Variants in COL22A1 observed in about 807,000 individuals in gnomAD.
COL22A1 encodes the protein collagen type XXII alpha 1 chain.
Under a neutral mutation model 248.9 loss-of-function variants are expected in COL22A1, and 221 were observed. That is an observed-to-expected ratio of 0.89 (90% CI 0.80 to 0.99). COL22A1 has a LOEUF of 0.99. Among genes scored for constraint, COL22A1 ranks in the 50% least tolerant of loss-of-function variants. COL22A1 has a pLI of 0.00. For missense variants in COL22A1, 2,240 were observed against 2,179.0 expected (o/e 1.03, Z -0.56); for synonymous variants, 891 against 793.4 (o/e 1.12, Z -2.07).
At chr8:138,741,741 G>A (rs1316204194) in intron 22 of COL22A1, among the ~76,000 whole-genome samples, 1 of 152,230 alleles carries the variant, frequency 6.6e-6, no homozygotes, top group African/African-American at 2.4e-5. Context: ...CCACCTAGCA[G>A]TGCCACAGAG....
intron 13 of COL22A1, 46 bp from the exon 14 acceptor site, chr8:138,779,608 C>G (rs772303115): frequency 3.0e-6 from 4 of 1,325,310 alleles, no homozygotes; most frequent in Non-Finnish European, 4.4e-6. Context: ...GGGACACAGG[C>G]CCAGGTACAC....
intron 5 of COL22A1, chr8:138,827,072 C>A: frequency 2.6e-6 from 1 of 389,716 alleles, no homozygotes; most frequent in South Asian, 2.9e-5. Flanking sequence ...ATGACATCCA[C>A]AGTAAACGCT....
At chr8:138,762,337 C>A in intron 17 of COL22A1, 76 bp downstream of exon 17, 2 of 1,458,682 alleles carry the variant, frequency 1.4e-6, no homozygotes, top group African/African-American at 1.4e-5. Flanking sequence ...CTCTGTGGAG[C>A]TTTATGTGGG....
intron 27 of COL22A1, 78 bp from the exon 28 acceptor site, chr8:138,716,947 C>T (rs1013528577): frequency 6.5e-6 from 7 of 1,080,196 alleles, no homozygotes; most frequent in South Asian, 1.3e-5. Context: ...GTTGTCCTCA[C>T]ACATTCATAG....
chr8:138,721,469 A>G (rs1235932006), intron 26 of COL22A1, among the ~76,000 whole-genome samples: 2 of 152,252 alleles, frequency 1.3e-5, no homozygotes, highest in Non-Finnish European at 2.9e-5. Flanking sequence ...CTCTTACCTT[A>G]ATAATTCTAC....
At chr8:138,606,280 A>G in intron 58 of COL22A1, 101 bp downstream of exon 58, 2 of 1,076,762 alleles carry the variant, frequency 1.9e-6, no homozygotes, top group Non-Finnish European at 1.4e-6. Context: ...TGGCCTGAGC[A>G]GACAGAACTG....
chr8:138,868,270 C>T (rs181916950), intron 3 of COL22A1, among the ~76,000 whole-genome samples: 8 of 152,038 alleles, frequency 5.3e-5, no homozygotes, highest in African/African-American at 7.2e-5. Context: ...TCATACATCC[C>T]GAGTCAGGGG....
intron 22 of COL22A1, among the ~76,000 whole-genome samples, chr8:138,738,510 T>A (rs958039997): frequency 6.6e-6 from 1 of 152,186 alleles, no homozygotes; most frequent in Non-Finnish European, 1.5e-5. Flanking sequence ...TTTTTGAGTG[T>A]CTATTTCACG....
intron 7 of COL22A1, among the ~76,000 whole-genome samples, chr8:138,815,421 C>G (rs1180236682): frequency 1.3e-5 from 2 of 152,152 alleles, no homozygotes; most frequent in Admixed American, 6.5e-5. Flanking sequence ...ATCTCTCGCT[C>G]TCCCCAGGCC....
Position 138,681,235 on chromosome 8 carries a change from C to A in COL22A1, c.3013-1559G>T, listed in dbSNP as rs192764948. ...TTACTGAGCAGGTAACTGTGACCGG[C>A]ACTATGCTAGGCAACTGTATGTATG... is the stretch of plus-strand genomic sequence containing the variant. On this transcript the variant is annotated intron_variant, in intron 39 of 64. Transcript: ENST00000303045. 6.5e-3 allele frequency among the ~76,000 whole-genome samples: 996 copies of A among 152,260 alleles called. 4 individuals are homozygous for A. Among genetic ancestry groups the A allele is most frequent in the Middle Eastern group, 0.01 (3 of 294 alleles).
At chr8:138,673,414 T>C (rs1825221584) in intron 41 of COL22A1, among the ~76,000 whole-genome samples, 1 of 151,936 alleles carries the variant, frequency 6.6e-6, no homozygotes, top group African/African-American at 2.4e-5. Context: ...TTCACCATGT[T>C]GCCAGGCTGG....
intron 21 of COL22A1, 24 bp downstream of exon 21, chr8:138,755,133 C>T (rs1355287125): frequency 1.2e-6 from 2 of 1,613,424 alleles, no homozygotes; most frequent in East Asian, 2.2e-5. Flanking sequence ...AGAGCAAACC[C>T]TGCGCAGGAG....
intron 41 of COL22A1, among the ~76,000 whole-genome samples, chr8:138,664,142 T>C (rs949288270): frequency 6.7e-6 from 1 of 148,794 alleles, no homozygotes; most frequent in Non-Finnish European, 1.5e-5. Flanking sequence ...TCCCCAGCCA[T>C]AGCGCTAGTG....
Position 138,844,096 on chromosome 8 carries a change from T to C in COL22A1, c.721A>G (p.Lys241Glu), listed in dbSNP as rs1397401579. 3 of 1,614,064 alleles carry C rather than the reference T, an allele frequency of 1.9e-6. No individual in the cohort carries two copies. Among genetic ancestry groups the C allele is most frequent in the African/African-American group, 2.7e-5 (2 of 75,044 alleles). Residue 241 changes from lysine to glutamate, a missense_variant, in exon 4 of 65, where the codon AAG becomes GAG. Lys to Glu is a moderately conservative substitution (Grantham distance 56). Transcript: ENST00000303045. ...GTTTTTCCCTTACCTGTGATTTCCT[T>C]GGTTCCTCCATTGGTGTGCTTAAAG... ...DRFKHTNGGT[K>E]EITGFDLMDL...
intron 22 of COL22A1, among the ~76,000 whole-genome samples, chr8:138,744,137 C>G (rs777735647): frequency 5.9e-5 from 9 of 152,114 alleles, no homozygotes; most frequent in Non-Finnish European, 7.3e-5. Flanking sequence ...AGGATCCAAA[C>G]AACACTGTTA....
At chr8:138,876,849 C>T (rs1194460502) in intron 3 of COL22A1, among the ~76,000 whole-genome samples, 4 of 152,256 alleles carry the variant, frequency 2.6e-5, no homozygotes, top group Non-Finnish European at 5.9e-5. Context: ...TGAGGCTCCA[C>T]ACTCAGCCTG....
intron 46 of COL22A1, among the ~76,000 whole-genome samples, chr8:138,648,788 G>A (rs928477318): frequency 6.6e-6 from 1 of 152,178 alleles, no homozygotes. Flanking sequence ...AGCTAAGACG[G>A]AGGGCCATCT....
chr8:138,667,168 C>A (rs1824577386), intron 41 of COL22A1, among the ~76,000 whole-genome samples: 1 of 152,198 alleles, frequency 6.6e-6, no homozygotes, highest in Non-Finnish European at 1.5e-5. Flanking sequence ...AATATGTTTT[C>A]AACAATTACA....
intron 56 of COL22A1, among the ~76,000 whole-genome samples, chr8:138,611,366 T>C (rs919749704): frequency 1.3e-5 from 2 of 152,146 alleles, no homozygotes; most frequent in African/African-American, 2.4e-5. Context: ...ACCTAGTTCA[T>C]GTGATGAATA....
Sources: allele counts gnomAD v4.1 joint callset (sites outside exome capture counted in the v4.1 genomes callset), GRCh38; gene constraint gnomAD v4.1.1; transcripts MANE v1.5; gene names NCBI Gene and HGNC (gene_info 2026-07-23, HGNC 2026-07-21).